The following MAP3K15 variants were observed in gnomAD, a reference collection of about 807,000 sequenced individuals.
MAP3K15 encodes the protein mitogen-activated protein kinase kinase kinase 15, also known as MAPK/ERK kinase kinase 15.
A neutral mutation model predicts 99.5 loss-of-function variants in MAP3K15; 124 were observed. The ratio of observed to expected loss-of-function variants is 1.25; its 90% CI spans 1.08 to 1.45. MAP3K15 has a LOEUF of 1.45. Ranked by LOEUF, MAP3K15 falls within the 40% of genes most tolerant of loss-of-function variation. MAP3K15 has a pLI of 0.00. For synonymous variants in MAP3K15, 494 were observed against 439.6 expected (o/e 1.12, Z -1.55); for missense variants, 1,242 against 1,079.7 (o/e 1.15, Z -2.11).
At chrX:19,426,535 C>T (rs2063831492) in intron 7 of MAP3K15, among the ~76,000 whole-genome samples, 192 bp from the exon 8 acceptor site, 1 of 110,778 alleles carries the variant, frequency 9.0e-6, no homozygotes, top group African/African-American at 3.3e-5. Flanking sequence ...TCTTAATAGG[C>T]CAGGCACCGT....
At position 19,429,894 on chromosome X, in the gene MAP3K15, G is replaced by A. The variant is rs2063867860; in HGVS notation, c.1166+1544C>T. Among the ~76,000 whole-genome samples, 3 of 109,544 alleles carry A rather than the reference G, an allele frequency of 2.7e-5. No homozygotes were observed. The South Asian group carries it at 1.2e-3, about 45-fold the overall frequency. ...CTTATGATGGAAATGAATGATGTGG[G>A]CCTGTTGGTTCCACCTTCGGAATAT... is the stretch of plus-strand genomic sequence containing the variant. On this transcript the variant is annotated intron_variant, in intron 7 of 28. Coordinates refer to ENST00000338883, the MANE Select transcript of MAP3K15 (RefSeq NM_001001671.4).
intron 4 of MAP3K15, among the ~76,000 whole-genome samples, chrX:19,462,644 T>A (rs1471002658): frequency 8.9e-6 from 1 of 112,063 alleles, no homozygotes; most frequent in Non-Finnish European, 1.9e-5. Context: ...ACATCAGATA[T>A]GTAATAAGCA....
intron 6 of MAP3K15, among the ~76,000 whole-genome samples, chrX:19,438,292 G>C (rs934212621): frequency 9.0e-6 from 1 of 111,071 alleles, no homozygotes; most frequent in Non-Finnish European, 1.9e-5. Flanking sequence ...TTATTTGGTA[G>C]AGATGGGGTC....
intron 4 of MAP3K15, 63 bp from the exon 5 acceptor site, chrX:19,460,216 C>CT: frequency 1.2e-6 from 1 of 843,837 alleles, no homozygotes; most frequent in Non-Finnish European, 1.6e-6. Context: ...CTGTCTTGCG[C>CT]CCAAAATGGT....
At chrX:19,425,720 A>G (rs1291208731) in intron 8 of MAP3K15, 30 bp from the exon 9 acceptor site, 3 of 1,161,275 alleles carry the variant, frequency 2.6e-6, no homozygotes, top group Admixed American at 2.4e-5. Flanking sequence ...GATAGTCAGA[A>G]TAATCTTTTT....
intron 19 of MAP3K15, among the ~76,000 whole-genome samples, chrX:19,376,448 C>T (rs2147223105): frequency 9.1e-6 from 1 of 109,553 alleles, no homozygotes; most frequent in East Asian, 2.9e-4. Context: ...TCTCCACCCC[C>T]ACCCCCCAAC....
intron 4 of MAP3K15, among the ~76,000 whole-genome samples, chrX:19,460,947 G>C (rs1489106419): frequency 2.0e-5 from 2 of 101,574 alleles, no homozygotes; most frequent in African/African-American, 7.3e-5. Context: ...GCTAATTTTT[G>C]TATTGCTATT....
chrX:19,414,563 A>G (rs1438569913), intron 10 of MAP3K15, among the ~76,000 whole-genome samples: 2 of 112,456 alleles, frequency 1.8e-5, no homozygotes, highest in Non-Finnish European at 3.8e-5. Flanking sequence ...CTCAAGGAAA[A>G]GCTAAAAGCA....
chrX:19,366,262 G>A (rs139448497), intron 25 of MAP3K15, among the ~76,000 whole-genome samples: 213 of 111,132 alleles, frequency 1.9e-3, no homozygotes, highest in Non-Finnish European at 3.1e-3. Flanking sequence ...CTCCTTTTAC[G>A]TTAGTGAAGG....
At chrX:19,512,398 T>C (rs186727847) in intron 1 of MAP3K15, among the ~76,000 whole-genome samples, 2 of 112,154 alleles carry the variant, frequency 1.8e-5, no homozygotes, top group Non-Finnish European at 3.8e-5. Flanking sequence ...CATTGTTCAA[T>C]AGGACCTTCT....
chrX:19,421,047 G>A (rs7892435), intron 9 of MAP3K15, among the ~76,000 whole-genome samples: 1 of 110,216 alleles, frequency 9.1e-6, no homozygotes, highest in Non-Finnish European at 1.9e-5. Flanking sequence ...ATAATAAGAG[G>A]TATCTATGAC....
intron 21 of MAP3K15, 152 bp from the exon 22 acceptor site, chrX:19,372,979 A>C: frequency 2.5e-6 from 1 of 393,608 alleles, no homozygotes; most frequent in Non-Finnish European, 4.1e-6. Flanking sequence ...AAGGACAGAC[A>C]TGCAGTGTTC....
intron 13 of MAP3K15, among the ~76,000 whole-genome samples, chrX:19,404,714 T>C (rs769194579): frequency 8.9e-6 from 1 of 111,907 alleles, no homozygotes; most frequent in East Asian, 2.8e-4. Context: ...TGTGGTCAAC[T>C]GATTTCCAAA....
intron 6 of MAP3K15, among the ~76,000 whole-genome samples, chrX:19,446,506 G>C (rs1046819459): frequency 1.8e-5 from 2 of 111,841 alleles, no homozygotes; most frequent in Admixed American, 9.5e-5. Flanking sequence ...TGGTGGAGTC[G>C]TAACCTGGCT....
intron 18 of MAP3K15, 129 bp from the exon 19 acceptor site, chrX:19,380,406 G>C (rs997696002): frequency 3.1e-6 from 2 of 642,481 alleles, no homozygotes. Context: ...GACCAGCCTG[G>C]ACAATGTAAC....
At chrX:19,469,960 A>C (rs1422279988) in intron 3 of MAP3K15, among the ~76,000 whole-genome samples, 4 of 110,408 alleles carry the variant, frequency 3.6e-5, no homozygotes, top group South Asian at 3.9e-4. Flanking sequence ...GTGGGACTGT[A>C]AACTAGTTCA....
Position 19,396,600 on chromosome X carries a change from A to G in MAP3K15, c.2067-1392T>C, listed in dbSNP as rs138834996. On this transcript the variant is annotated intron_variant, in intron 15 of 28. Transcript: ENST00000338883. ...AGTTCATTTCAGGTCCTGTCTCATA[A>G]TTCACGTATCATAACATGCTATCCC... 4.7e-3 allele frequency among the ~76,000 whole-genome samples: 527 copies of G among 112,489 alleles called. 6 individuals are homozygous for G. Among genetic ancestry groups the G allele is most frequent in the African/African-American group, 0.016 (502 of 30,976 alleles).
intron 3 of MAP3K15, among the ~76,000 whole-genome samples, chrX:19,473,807 C>T (rs893707139): frequency 3.3e-4 from 37 of 111,894 alleles, no homozygotes; most frequent in Non-Finnish European, 7.5e-5. Context: ...TGTCCTATGT[C>T]ATCACTCAAT....
intron 6 of MAP3K15, among the ~76,000 whole-genome samples, chrX:19,453,120 A>G (rs2064067249): frequency 9.0e-6 from 1 of 111,689 alleles, no homozygotes; most frequent in Admixed American, 9.6e-5. Context: ...CCGTTTCACC[A>G]TATGTGAACA....
Sources: gnomAD v4.1 joint callset for allele counts (sites outside exome capture counted in the v4.1 genomes callset) on GRCh38, gnomAD v4.1.1 for gene constraint, MANE v1.5 for transcripts, NCBI Gene and HGNC (gene_info 2026-07-23, HGNC 2026-07-21) for gene names.